Variants in COL6A5 observed in about 807,000 individuals in gnomAD.
The protein encoded by COL6A5 is collagen type VI alpha 5 chain, also known as collagen alpha-5(VI) chain.
COL6A5 carries 48 observed loss-of-function variants against 65.6 expected under a neutral mutation model. That is an observed-to-expected ratio of 0.73 (90% CI 0.58 to 0.93). COL6A5 has a LOEUF of 0.93. Ranked by LOEUF, COL6A5 falls within the 40% of genes least tolerant of loss-of-function variation. The probability of loss-of-function intolerance (pLI) is 0.00; values close to 1 mark genes in which losing one functional copy is unlikely to be tolerated. For synonymous variants in COL6A5, 291 were observed against 322.8 expected (o/e 0.90, Z 1.05); for missense variants, 914 against 928.3 (o/e 0.98, Z 0.20).
At chr3:130,458,285 T>A (rs1709623259) in intron 5 of COL6A5, among the ~76,000 whole-genome samples, 1 of 152,144 alleles carries the variant, frequency 6.6e-6, no homozygotes, top group Non-Finnish European at 1.5e-5. Context: ...GCCCTCCTGA[T>A]AACTACTGTT....
intron 7 of COL6A5, among the ~76,000 whole-genome samples, chr3:130,479,965 T>A (rs1421062377): frequency 6.6e-6 from 1 of 152,072 alleles, no homozygotes; most frequent in African/African-American, 2.4e-5. Context: ...CTGATTCTTT[T>A]GTAAAACTTT....
exon 6 of COL6A5, chr3:130,468,888 T>A (rs1237821901): frequency 6.2e-7 from 1 of 1,612,110 alleles, no homozygotes. Context: ...GTGGCTTTCC[T>A]CATAGATGCT....
upstream of COL6A5, among the ~76,000 whole-genome samples, chr3:130,430,035 C>T (rs918041748): frequency 6.6e-6 from 1 of 152,116 alleles, no homozygotes; most frequent in African/African-American, 2.4e-5. Flanking sequence ...GATGGTCTTC[C>T]CAGGGCCTAA....
exon 5 of COL6A5, chr3:130,384,934 C>T (rs140690161): frequency 6.4e-7 from 1 of 1,550,940 alleles, no homozygotes; most frequent in African/African-American, 1.4e-5. Context: ...TTGGCCCAGA[C>T]AAAGTCCGAG....
At chr3:130,348,168 C>A (rs149325215) in intron 1 of COL6A5, among the ~76,000 whole-genome samples, 2,560 of 152,314 alleles carry the variant, frequency 0.017, 26 homozygotes, top group Non-Finnish European at 0.026. Flanking sequence ...AGGTTTGTTA[C>A]ATAGGTATAC....
intron 17 of COL6A5, among the ~76,000 whole-genome samples, chr3:130,406,612 A>T (rs758657287): frequency 1.3e-5 from 2 of 151,394 alleles, no homozygotes; most frequent in South Asian, 2.1e-4. Context: ...TCTTTTGTTC[A>T]TTTGTTTTTT....
intron 1 of COL6A5, among the ~76,000 whole-genome samples, chr3:130,346,830 T>G (rs1183170490): frequency 1.3e-5 from 2 of 152,244 alleles, no homozygotes; most frequent in South Asian, 2.1e-4. Context: ...TTGGAAGATA[T>G]ATATTTACTT....
At chr3:130,347,432 C>G (rs544087613) in intron 1 of COL6A5, among the ~76,000 whole-genome samples, 1 of 151,860 alleles carries the variant, frequency 6.6e-6, no homozygotes, top group East Asian at 1.9e-4. Flanking sequence ...AACTAATCAC[C>G]TCTCTGTTTG....
At chr3:130,388,549 T>C (rs1936277599) in intron 5 of COL6A5, 31 bp from the exon 6 acceptor site, 1 of 1,477,138 alleles carries the variant, frequency 6.8e-7, no homozygotes. Flanking sequence ...CCAACCTGGT[T>C]ATTTCTGGTC....
chr3:130,386,076 A>T (rs1187342684), intron 5 of COL6A5, among the ~76,000 whole-genome samples: 3 of 152,042 alleles, frequency 2.0e-5, no homozygotes, highest in Admixed American at 6.6e-5. Flanking sequence ...ATGGCCACTT[A>T]CACCACTTAC....
chr3:130,366,340 T>C (rs1935340088), intron 1 of COL6A5, among the ~76,000 whole-genome samples: 1 of 152,244 alleles, frequency 6.6e-6, no homozygotes, highest in Non-Finnish European at 1.5e-5. Flanking sequence ...TATATCAGTG[T>C]GGTTTTTGCC....
intron 14 of COL6A5, 103 bp from the exon 15 acceptor site, chr3:130,405,890 C>T (rs141371813): frequency 6.0e-5 from 71 of 1,174,174 alleles, no homozygotes; most frequent in Middle Eastern, 1.9e-4. Context: ...ATGTATAGCC[C>T]GAAGCGACTA....
exon 4 of COL6A5, chr3:130,379,576 C>T (rs1415128944): frequency 2.0e-5 from 31 of 1,551,318 alleles, no homozygotes; most frequent in Non-Finnish European, 2.6e-5. Flanking sequence ...GCGACTTGGA[C>T]TGATGAGTTA....
chr3:130,469,562 T>G, intron 6 of COL6A5, 81 bp downstream of exon 38: 1 of 1,116,832 alleles, frequency 9.0e-7, no homozygotes, highest in Admixed American at 2.5e-5. Context: ...CTTAGTAAAA[T>G]GATCCTCACT....
intron 1 of COL6A5, among the ~76,000 whole-genome samples, chr3:130,357,563 T>G (rs916917596): frequency 2.0e-5 from 3 of 152,292 alleles, no homozygotes; most frequent in African/African-American, 7.2e-5. Context: ...GAATCAAATA[T>G]TAGCAAGTAA....
intron 1 of COL6A5, among the ~76,000 whole-genome samples, chr3:130,433,525 G>A (rs973731410): frequency 1.3e-5 from 2 of 152,130 alleles, no homozygotes; most frequent in Non-Finnish European, 2.9e-5. Context: ...CACGCCTTGA[G>A]CAGTGCTCCC....
At chr3:130,402,376 T>G (rs1409434482) in intron 12 of COL6A5, among the ~76,000 whole-genome samples, 4 of 152,176 alleles carry the variant, frequency 2.6e-5, no homozygotes, top group African/African-American at 9.7e-5. Flanking sequence ...AAAACACAAA[T>G]TATAAAATAT....
At chr3:130,408,780 TTA>T in intron 17 of COL6A5, among the ~76,000 whole-genome samples, 1 of 152,120 alleles carries the variant, frequency 6.6e-6, no homozygotes, top group Non-Finnish European at 1.5e-5. Context: ...CTAGTGACAC[TTA>T]GGGAAAATAG....
chr3:130,431,462 T>C (rs1277754676), upstream of COL6A5: 2 of 1,547,542 alleles, frequency 1.3e-6, no homozygotes, highest in East Asian at 2.4e-5. Context: ...TTCTTTTTTC[T>C]AGAAAAATGT....
Sources: gnomAD v4.1 joint callset for allele counts (sites outside exome capture counted in the v4.1 genomes callset) on GRCh38, gnomAD v4.1.1 for gene constraint, MANE v1.5 for transcripts, NCBI Gene and HGNC (gene_info 2026-07-23, HGNC 2026-07-21) for gene names.